MICU1: variants seen among roughly 807,000 people sequenced by gnomAD.
MICU1 encodes mitochondrial calcium uptake 1, also known as calcium uptake protein 1, mitochondrial.
MICU1 carries 45 observed loss-of-function variants against 56.8 expected under a neutral mutation model. The observed-to-expected ratio is 0.79, with a 90% CI of 0.62 to 1.02. MICU1 has a LOEUF of 1.02. Ranked by LOEUF, MICU1 falls within the 50% of genes least tolerant of loss-of-function variation. The pLI is 0.00. For synonymous variants in MICU1, 186 were observed against 195.1 expected (o/e 0.95, Z 0.39); for missense variants, 504 against 587.1 (o/e 0.86, Z 1.46).
chr10:72,621,219 T>TG (rs1049850674), intron 1 of MICU1, among the ~76,000 whole-genome samples: 5 of 152,148 alleles, frequency 3.3e-5, no homozygotes, highest in Non-Finnish European at 7.4e-5. Flanking sequence ...TGGTTTTGGA[T>TG]GGGCGCAGTG....
chr10:72,527,336 T>G (rs1867992647), intron 5 of MICU1, among the ~76,000 whole-genome samples: 1 of 152,080 alleles, frequency 6.6e-6, no homozygotes, highest in Non-Finnish European at 1.5e-5. Flanking sequence ...AGCTAGCTAC[T>G]TATCTTTTCT....
intron 1 of MICU1, among the ~76,000 whole-genome samples, chr10:72,569,235 ATATTTTT>A (rs1177696017): frequency 1.0e-3 from 43 of 42,568 alleles, no homozygotes; most frequent in African/African-American, 3.5e-3. Context: ...ATATATATAT[ATATTTTT>A]TTTTTTTTTT....
chr10:72,615,938 G>A (rs897594344), intron 1 of MICU1, among the ~76,000 whole-genome samples: 2 of 152,094 alleles, frequency 1.3e-5, no homozygotes, highest in Admixed American at 6.6e-5. Flanking sequence ...GCAGTGAGCC[G>A]AGATTGTGCC....
intron 8 of MICU1, among the ~76,000 whole-genome samples, chr10:72,471,860 C>T (rs7896282): frequency 0.045 from 6,809 of 152,000 alleles, 501 homozygotes; most frequent in African/African-American, 0.15. Flanking sequence ...CTTCTTTCTT[C>T]TATACTCTGA....
intron 6 of MICU1, among the ~76,000 whole-genome samples, chr10:72,493,704 G>A (rs1360049593): frequency 6.6e-6 from 1 of 152,054 alleles, no homozygotes; most frequent in East Asian, 1.9e-4. Flanking sequence ...CGTTCTGCCC[G>A]CCTTGGTCTC....
intron 5 of MICU1, among the ~76,000 whole-genome samples, chr10:72,524,990 C>T (rs1427693747): frequency 1.3e-5 from 2 of 152,122 alleles, no homozygotes; most frequent in East Asian, 3.9e-4. Flanking sequence ...TTTTTAACTT[C>T]ATGGCAAATA....
intron 10 of MICU1, among the ~76,000 whole-genome samples, chr10:72,395,232 G>A (rs1264585943): frequency 6.6e-6 from 1 of 151,908 alleles, no homozygotes; most frequent in African/African-American, 2.4e-5. Flanking sequence ...AGCCAGGATG[G>A]TCTCGATCTC....
chr10:72,551,188 G>A lies in MICU1; in HGVS notation c.484C>T (p.Gln162Ter), dbSNP rs1336641858. 4 of 1,598,408 alleles carry A rather than the reference G, an allele frequency of 2.5e-6. No homozygotes were observed. Among genetic ancestry groups the A allele is most frequent in the Non-Finnish European group, 3.4e-6 (4 of 1,173,744 alleles). The change falls in exon 4 of 12, where the codon CAA becomes TAA. Residue 162 changes from glutamine (Q) to a stop codon, truncating the protein, a stop_gained. Transcript: ENST00000361114. LOFTEE classifies it high-confidence loss of function. ...FVRSITPNEKQPEHLGLDQYI... is the reference protein window; with the variant it reads ...FVRSITPNEK Reference sequence around the variant, plus strand: ...CACTTTAGCAACTTACGTTCTGGTTGTTTTTCATTGGGTGTTATGGATCGC... The same window carrying A: ...CACTTTAGCAACTTACGTTCTGGTTATTTTTCATTGGGTGTTATGGATCGC...
chr10:72,392,821 G>C (rs1481687597), intron 10 of MICU1, among the ~76,000 whole-genome samples: 1 of 152,246 alleles, frequency 6.6e-6, no homozygotes, highest in South Asian at 2.1e-4. Flanking sequence ...TCACTAGTCC[G>C]GGTCAGGAGG....
At position 72,594,925 on chromosome 10, in the gene MICU1, C is replaced by CAAAAAAAAA. The variant is rs57504317; in HGVS notation, c.-1-28140_-1-28132dup. On this transcript the variant is annotated intron_variant, in intron 1 of 11. Coordinates refer to ENST00000361114, the MANE Select transcript of MICU1 (RefSeq NM_001195518.2). The stretch of plus-strand genomic sequence containing the variant: ...ACCCTGTCTCAAAAAAAGTACAATC[C>CAAAAAAAAA]AAAAAAAAAAAAAAGATGAACCAAT... 3.4e-4 allele frequency among the ~76,000 whole-genome samples: 17 copies of CAAAAAAAAA among 50,732 alleles called. 1 individual carries two copies. Among genetic ancestry groups the CAAAAAAAAA allele is most frequent in the African/African-American group, 1.3e-3 (17 of 12,932 alleles). The allele number at this position is 50,732 out of a possible 152,430, so 33.3% of individuals were successfully genotyped here.
chr10:72,622,983 G>A (rs1050599380), intron 1 of MICU1, among the ~76,000 whole-genome samples: 8 of 152,052 alleles, frequency 5.3e-5, no homozygotes, highest in African/African-American at 1.7e-4. Flanking sequence ...AATTATGAGT[G>A]GGAGGCCAGG....
intron 3 of MICU1, among the ~76,000 whole-genome samples, chr10:72,559,617 C>G (rs1460057416): frequency 1.3e-5 from 2 of 152,060 alleles, no homozygotes; most frequent in East Asian, 1.9e-4. Flanking sequence ...CTTGAGCTCA[C>G]AAGTTTGAAA....
chr10:72,590,384 T>G (rs752402010), intron 1 of MICU1, among the ~76,000 whole-genome samples: 10 of 152,214 alleles, frequency 6.6e-5, no homozygotes, highest in South Asian at 2.1e-4. Flanking sequence ...ATACACTTAA[T>G]GACAGGCCAT....
At chr10:72,443,697 G>A (rs1392564356) in intron 8 of MICU1, among the ~76,000 whole-genome samples, 1 of 152,114 alleles carries the variant, frequency 6.6e-6, no homozygotes, top group Non-Finnish European at 1.5e-5. Context: ...AGTTAGAATG[G>A]TAATCATTAA....
At chr10:72,512,104 T>G (rs1030034283) in intron 5 of MICU1, among the ~76,000 whole-genome samples, 1 of 84,164 alleles carries the variant, frequency 1.2e-5, no homozygotes, top group African/African-American at 4.9e-5. Flanking sequence ...ACAGTTGTTT[T>G]TTGTTTTTTT....
chr10:72,420,319 C>T (rs966930439), intron 9 of MICU1, among the ~76,000 whole-genome samples: 1 of 152,202 alleles, frequency 6.6e-6, no homozygotes, highest in African/African-American at 2.4e-5. Context: ...CCTCGGCCTC[C>T]CAAAGTGCTG....
intron 6 of MICU1, among the ~76,000 whole-genome samples, chr10:72,501,231 T>C (rs551617889): frequency 2.6e-5 from 4 of 152,250 alleles, no homozygotes; most frequent in African/African-American, 9.6e-5. Flanking sequence ...CAATAGAATG[T>C]ATGAGTTAGG....
chr10:72,369,886 T>C (rs1160575421), intron 11 of MICU1, among the ~76,000 whole-genome samples: 2 of 150,686 alleles, frequency 1.3e-5, no homozygotes, highest in Non-Finnish European at 3.0e-5. Flanking sequence ...TTTTTGTACA[T>C]ATATATTTTT....
At chr10:72,575,081 C>A (rs982784970) in intron 1 of MICU1, among the ~76,000 whole-genome samples, 6 of 152,120 alleles carry the variant, frequency 3.9e-5, no homozygotes, top group African/African-American at 1.4e-4. Context: ...TCAATTTTTA[C>A]GGAGATGGGG....
Sources: gnomAD v4.1 joint callset for allele counts (sites outside exome capture counted in the v4.1 genomes callset) on GRCh38, gnomAD v4.1.1 for gene constraint, MANE v1.5 for transcripts, NCBI Gene and HGNC (gene_info 2026-07-23, HGNC 2026-07-21) for gene names.